The following HSD17B3 variants were observed in gnomAD, a reference collection of about 807,000 sequenced individuals.
HSD17B3 encodes 17-beta-hydroxysteroid dehydrogenase type 3.
Under a neutral mutation model 41.1 loss-of-function variants are expected in HSD17B3, and 29 were observed. The ratio of observed to expected loss-of-function variants is 0.71; its 90% CI spans 0.53 to 0.96. HSD17B3 has a LOEUF of 0.96. Among genes scored for constraint, HSD17B3 ranks in the 40% least tolerant of loss-of-function variants. The pLI is 0.00. For missense variants in HSD17B3, 323 were observed against 374.6 expected, an observed-to-expected ratio of 0.86 and a Z score of 1.14; for synonymous variants, 126 against 145.6, an observed-to-expected ratio of 0.87 and a Z score of 0.97.
chr9:96,276,107 T>TAAAAAAA (rs57386167), intron 2 of HSD17B3, among the ~76,000 whole-genome samples: 3 of 41,144 alleles, frequency 7.3e-5, no homozygotes, highest in Admixed American at 4.0e-4. Context: ...TCCTGTCTCA[T>TAAAAAAA]AAAAAAAAAA....
At chr9:96,285,045 G>T (rs1826863197) in intron 2 of HSD17B3, among the ~76,000 whole-genome samples, 1 of 151,892 alleles carries the variant, frequency 6.6e-6, no homozygotes, top group Non-Finnish European at 1.5e-5. Context: ...CACCATGTTG[G>T]CCAGGCTGGT....
chr9:96,272,405 C>CTA lies in HSD17B3; in HGVS notation c.202-17464_202-17463dup, dbSNP rs1199705437. On this transcript the variant is annotated intron_variant, in intron 2 of 10. Transcript: ENST00000375263. Reference sequence around the variant, plus strand: ...TCTCTCTCTCTCTCTCTCTCTCTCTCTATATATATATATATATATATATAT... The same window carrying CTA: ...TCTCTCTCTCTCTCTCTCTCTCTCTCTATATATATATATATATATATATATAT... Among the ~76,000 whole-genome samples the CTA allele has an allele frequency of 1.7e-3, 36 of 21,528 alleles. 1 individual carries two copies. Among genetic ancestry groups the CTA allele is most frequent in the Admixed American group, 2.6e-3 (4 of 1,564 alleles). 14.1% of individuals were successfully genotyped at this position (21,528 alleles called of 152,430 possible).
intron 2 of HSD17B3, among the ~76,000 whole-genome samples, chr9:96,285,036 A>C (rs1271109610): frequency 6.6e-6 from 1 of 151,956 alleles, no homozygotes. Flanking sequence ...ACGGGGTTTC[A>C]CCATGTTGGC....
intron 8 of HSD17B3, 55 bp from the exon 9 acceptor site, chr9:96,244,449 C>A: frequency 1.9e-6 from 3 of 1,541,558 alleles, no homozygotes; most frequent in Non-Finnish European, 2.7e-6. Flanking sequence ...CTCGTCAGAG[C>A]CAACTTCCTC....
intron 10 of HSD17B3, among the ~76,000 whole-genome samples, chr9:96,238,112 G>A (rs950014829): frequency 3.2e-4 from 48 of 152,156 alleles, no homozygotes; most frequent in Admixed American, 2.6e-4. Context: ...ACTCCAGCCT[G>A]GGCAACATGG....
chr9:96,271,839 T>C (rs990932795), intron 2 of HSD17B3, among the ~76,000 whole-genome samples: 12 of 152,142 alleles, frequency 7.9e-5, no homozygotes, highest in African/African-American at 2.9e-4. Flanking sequence ...AAAGGAATGG[T>C]TTTTCCTTAC....
chr9:96,297,429 C>T (rs938745568), intron 2 of HSD17B3, among the ~76,000 whole-genome samples: 1 of 146,088 alleles, frequency 6.8e-6, no homozygotes, highest in Non-Finnish European at 1.5e-5. Flanking sequence ...TCACTGCAAC[C>T]TCTGCCTCCC....
chr9:96,247,563 A>G (rs1203537432), intron 6 of HSD17B3, among the ~76,000 whole-genome samples: 1 of 152,224 alleles, frequency 6.6e-6, no homozygotes, highest in African/African-American at 2.4e-5. Flanking sequence ...GGGGCTCTCT[A>G]GAACCACTGG....
In HSD17B3 at chr9:96,279,199, C is replaced by A. The variant is rs191529631; in HGVS notation, c.201+19217G>T. On this transcript the variant is annotated intron_variant, in intron 2 of 10. Transcript: ENST00000375263. ...TATTTTTCCAAGGTTAAGGACATTC[C>A]AGTGGCACAGCCTCAGGAGGTCCTG... Among the ~76,000 whole-genome samples, 17 of 152,318 alleles carry A rather than the reference C, an allele frequency of 1.1e-4. 1 individual carries two copies. The highest frequency in any genetic ancestry group is 1.1e-3 in the Admixed American group (17 of 15,294).
chr9:96,256,832 G>A (rs775704183), intron 2 of HSD17B3, among the ~76,000 whole-genome samples: 7 of 151,536 alleles, frequency 4.6e-5, no homozygotes, highest in Non-Finnish European at 7.4e-5. Context: ...CCACCAAACC[G>A]TCTGATATGG....
At chr9:96,265,914 A>T (rs1826029496) in intron 2 of HSD17B3, among the ~76,000 whole-genome samples, 1 of 152,254 alleles carries the variant, frequency 6.6e-6, no homozygotes, top group South Asian at 2.1e-4. Context: ...CCACATAAAT[A>T]ACGCATCTGA....
intron 2 of HSD17B3, among the ~76,000 whole-genome samples, chr9:96,287,869 CA>C (rs35941200): frequency 0.49 from 56,529 of 115,930 alleles, 11,702 homozygotes; most frequent in African/African-American, 0.63. Flanking sequence ...TCATAATAGC[CA>C]AAAAAAAAAA....
intron 9 of HSD17B3, among the ~76,000 whole-genome samples, chr9:96,242,376 G>A (rs940998406): frequency 5.3e-5 from 8 of 152,110 alleles, no homozygotes; most frequent in Admixed American, 3.3e-4. Flanking sequence ...TTATTTCTTC[G>A]TTAGATCTTT....
intron 2 of HSD17B3, among the ~76,000 whole-genome samples, chr9:96,268,389 G>T (rs7037932): frequency 0.39 from 59,121 of 151,666 alleles, 11,937 homozygotes; most frequent in African/African-American, 0.47. Context: ...TAGGTGAAAG[G>T]GATATATTTC....
At chr9:96,289,710 CG>C (rs553175122) in intron 2 of HSD17B3, among the ~76,000 whole-genome samples, 14 of 152,256 alleles carry the variant, frequency 9.2e-5, no homozygotes, top group Middle Eastern at 3.4e-3. Context: ...AAGAGGGGGG[CG>C]CCCGAGAACA....
intron 1 of HSD17B3, among the ~76,000 whole-genome samples, chr9:96,299,133 C>T (rs1827478200): frequency 6.6e-6 from 1 of 152,152 alleles, no homozygotes; most frequent in Non-Finnish European, 1.5e-5. Context: ...AATGATTGAG[C>T]TCTAGTATAC....
At chr9:96,293,187 G>C (rs867701621) in intron 2 of HSD17B3, among the ~76,000 whole-genome samples, 1 of 152,174 alleles carries the variant, frequency 6.6e-6, no homozygotes, top group Non-Finnish European at 1.5e-5. Flanking sequence ...ACTTGACTAG[G>C]TCATGATACC....
At chr9:96,269,062 A>G (rs1346023656) in intron 2 of HSD17B3, among the ~76,000 whole-genome samples, 1 of 149,066 alleles carries the variant, frequency 6.7e-6, no homozygotes, top group South Asian at 2.3e-4. Context: ...CCAACATCAT[A>G]GAGTGCACTT....
intron 3 of HSD17B3, among the ~76,000 whole-genome samples, chr9:96,253,866 T>C (rs1483589962): frequency 2.0e-5 from 3 of 152,070 alleles, no homozygotes; most frequent in Non-Finnish European, 4.4e-5. Flanking sequence ...ACTTCTGATA[T>C]CCAGACACAG....
Sources: gnomAD v4.1 joint callset for allele counts (sites outside exome capture counted in the v4.1 genomes callset) on GRCh38, gnomAD v4.1.1 for gene constraint, MANE v1.5 for transcripts, NCBI Gene and HGNC (gene_info 2026-07-23, HGNC 2026-07-21) for gene names.